The following CLIP1 variants were observed in gnomAD, a reference collection of about 807,000 sequenced individuals.
CLIP1 encodes CAP-Gly domain-containing linker protein 1.
Under a neutral mutation model 161.6 loss-of-function variants are expected in CLIP1, and 66 were observed. The ratio of observed to expected loss-of-function variants is 0.41; its 90% CI spans 0.33 to 0.50. The LOEUF is 0.50. Ranked by LOEUF, CLIP1 falls within the 20% of genes least tolerant of loss-of-function variation. CLIP1 has a pLI of 0.27. For missense variants in CLIP1, 1,376 were observed against 1,702.0 expected (o/e 0.81, Z 3.37); for synonymous variants, 598 against 626.2 (o/e 0.96, Z 0.67).
At position 122,272,990 on chromosome 12, in the gene CLIP1, T is replaced by G. The variant is rs1457138622; in HGVS notation, c.4202A>C (p.Glu1401Ala). 6.2e-7 allele frequency: 1 copy of G among 1,614,202 alleles called. No individual in the cohort carries two copies. Among genetic ancestry groups the G allele is most frequent in the East Asian group, 2.2e-5 (1 of 44,884 alleles). ...ATGGTGTGTGGAATGGGGAGGGTCC[T>G]CTGACATCTGTGCCTGGGTAGGACA... is the stretch of plus-strand genomic sequence containing the variant. ...EDCPTQAQMSEDPPHSTHHGS... is the reference protein window; with the variant it reads ...EDCPTQAQMSADPPHSTHHGS... The change falls in exon 26 of 26, where the codon GAG (glutamate) becomes GCG (alanine). Residue 1401 changes from glutamate to alanine, a missense_variant. By Grantham distance (107) the Glu-to-Ala change is moderately radical. Transcript: ENST00000620786.
In CLIP1 at chr12:122,288,546, GA is replaced by G; in HGVS notation, c.3595-6del. ...CACAGATCTTTCTTCTTCCAGCTAG[GA>G]AAAAAACACAAAAAACTTCAGTTCA... On this transcript the variant is annotated splice_polypyrimidine_tract_variant and splice_region_variant and intron_variant, in intron 20 of 25. Coordinates refer to ENST00000620786, the MANE Select transcript of CLIP1 (RefSeq NM_001247997.2). The G allele has an allele frequency of 1.2e-6, 2 of 1,603,208 alleles. No individual in the cohort carries two copies. Among genetic ancestry groups the G allele is most frequent in the South Asian group, 1.1e-5 (1 of 90,622 alleles).
chr12:122,387,579 TATATATATA>T (rs1184664635), intron 1 of CLIP1, among the ~76,000 whole-genome samples: 9 of 4,314 alleles, frequency 2.1e-3, no homozygotes, highest in Admixed American at 4.9e-3. Flanking sequence ...TATATATATA[TATATATATA>T]TATTTTTTTT....
intron 20 of CLIP1, among the ~76,000 whole-genome samples, chr12:122,306,597 G>C (rs2136472009): frequency 6.6e-6 from 1 of 152,216 alleles, no homozygotes; most frequent in African/African-American, 2.4e-5. Flanking sequence ...CCACAAAGGG[G>C]CAGCAGCTTG....
At position 122,278,186 on chromosome 12, in the gene CLIP1, C is replaced by G. The variant is rs1318019980; in HGVS notation, c.3934G>C (p.Ala1312Pro). ...TCCTGGGCTCTTTCATCCTCGTCTG[C>G]CTGAGTGTCTGTATTACCTTATATT... The part of the protein sequence containing the change: ...SSSSGNTDTQ[A>P]DEDERAQESQ... The change falls in exon 24 of 26, where the codon GCA (alanine) becomes CCA (proline). Residue 1312 changes from alanine (A) to proline (P), a missense_variant. Physicochemically the swap from Ala to Pro is conservative, Grantham distance 27. Around this residue, in one of 6 missense-constraint regions of CLIP1, gnomAD observed 948 missense variants for 1,134.8 expected, o/e 0.84. Coordinates refer to ENST00000620786, the MANE Select transcript of CLIP1 (RefSeq NM_001247997.2). 3 of 1,598,048 alleles carry G rather than the reference C, an allele frequency of 1.9e-6. No homozygotes were observed. Among genetic ancestry groups the G allele is most frequent in the Admixed American group, 1.7e-5 (1 of 59,600 alleles).
At chr12:122,289,661 T>C (rs552640197) in intron 20 of CLIP1, among the ~76,000 whole-genome samples, 4 of 152,250 alleles carry the variant, frequency 2.6e-5, no homozygotes, top group Middle Eastern at 3.4e-3. Context: ...TACAAAAGAA[T>C]TTCCAGTGGT....
chr12:122,326,552 G>A (rs1350486957), intron 17 of CLIP1, among the ~76,000 whole-genome samples: 1 of 152,164 alleles, frequency 6.6e-6, no homozygotes, highest in African/African-American at 2.4e-5. Context: ...AGTGGCACGT[G>A]CTTTTAGTCT....
rs376709699 is a variant in CLIP1 at position 122,352,245 on chromosome 12, C to CG, written c.1368+480dup. 2.8e-3 allele frequency among the ~76,000 whole-genome samples: 419 copies of CG among 151,768 alleles called. 1 individual carries two copies. The highest frequency in any genetic ancestry group is 8.6e-3 in the African/African-American group (355 of 41,388). On this transcript the variant is annotated intron_variant, in intron 8 of 25. Coordinates refer to ENST00000620786, the MANE Select transcript of CLIP1 (RefSeq NM_001247997.2). ...GCTAATTTTGTATTTTTAGTAGAGA[C>CG]GGGGTCTCACCACGTTAGCCAGGCT... is the stretch of plus-strand genomic sequence containing the variant.
chr12:122,398,668 G>A (rs914513515), intron 1 of CLIP1, among the ~76,000 whole-genome samples: 35 of 151,716 alleles, frequency 2.3e-4, no homozygotes, highest in African/African-American at 7.0e-4. Flanking sequence ...AGGAGTCTGA[G>A]AGCTGCCTGG....
chr12:122,273,104 C>T lies in CLIP1; in HGVS notation c.4092-4G>A, dbSNP rs377011023. ...GGACTGTTTCTCCTGATCATCACTA[C>T]AAATGTTAATGTGTGAAATCAGAAA... On this transcript the variant is annotated splice_polypyrimidine_tract_variant and splice_region_variant and intron_variant, in intron 25 of 25. Transcript: ENST00000620786. 1.1e-5 allele frequency: 18 copies of T among 1,611,070 alleles called. No homozygotes were observed. In the African/African-American group the frequency reaches 2.4e-4, roughly 22 times the overall value.
At chr12:122,287,098 C>A (rs1221212885) in intron 21 of CLIP1, among the ~76,000 whole-genome samples, 1 of 151,998 alleles carries the variant, frequency 6.6e-6, no homozygotes, top group African/African-American at 2.4e-5. Flanking sequence ...CAATTGAGCC[C>A]AGGAGATTGA....
intron 20 of CLIP1, among the ~76,000 whole-genome samples, chr12:122,309,215 C>A (rs999531373): frequency 6.6e-6 from 1 of 152,058 alleles, no homozygotes; most frequent in African/African-American, 2.4e-5. Flanking sequence ...ATAGTTCATG[C>A]CAGTTGTAAC....
Position 122,316,620 on chromosome 12 carries a change from G to A in CLIP1, c.3473+129C>T, listed in dbSNP as rs1039390522. On this transcript the variant is annotated intron_variant, in intron 19 of 25. Transcript: ENST00000620786. ...CGGTGGTTACTGATGTTGCTTCTGGGGTATGCAATAGAGTCTGCATACGTT... is the reference window on the plus strand; with the variant it reads ...CGGTGGTTACTGATGTTGCTTCTGGAGTATGCAATAGAGTCTGCATACGTT... 8 of 569,192 alleles carry A rather than the reference G, an allele frequency of 1.4e-5. No homozygotes were observed. In the East Asian group the frequency reaches 2.5e-4, roughly 18 times the overall value. The allele number at this position is 569,192 out of a possible 1,614,324, so 35.3% of individuals were successfully genotyped here.
intron 9 of CLIP1, among the ~76,000 whole-genome samples, chr12:122,349,777 G>C (rs941580471): frequency 6.6e-6 from 1 of 152,226 alleles, no homozygotes; most frequent in Admixed American, 6.5e-5. Flanking sequence ...ACTGACACCG[G>C]GGGCAGCGGG....
intron 1 of CLIP1, among the ~76,000 whole-genome samples, chr12:122,410,302 C>T (rs901446177): frequency 6.6e-6 from 1 of 152,110 alleles, no homozygotes; most frequent in Non-Finnish European, 1.5e-5. Context: ...TAATAAATAT[C>T]TGCTAAATAT....
At chr12:122,283,799 C>T (rs1592969879) in intron 21 of CLIP1, among the ~76,000 whole-genome samples, 2 of 152,242 alleles carry the variant, frequency 1.3e-5, no homozygotes, top group Middle Eastern at 6.8e-3. Flanking sequence ...GGAGTAAGTT[C>T]TGCACTTGAA....
chr12:122,396,470 C>T (rs1955914471), intron 1 of CLIP1: 1 of 152,100 alleles, frequency 6.6e-6, no homozygotes, highest in Non-Finnish European at 1.5e-5. Context: ...TTGAAGGGAA[C>T]TGTAACAGGG....
intron 17 of CLIP1, 72 bp from the exon 18 acceptor site, chr12:122,319,420 G>A: frequency 2.7e-6 from 3 of 1,129,268 alleles, no homozygotes; most frequent in South Asian, 2.5e-5. Flanking sequence ...ATCGGGCTGT[G>A]CTGTTCAGGC....
chr12:122,354,410 G>GT, intron 7 of CLIP1, 43 bp downstream of exon 7: 1 of 1,507,092 alleles, frequency 6.6e-7, no homozygotes, highest in Middle Eastern at 1.9e-4. Context: ...CAAAAAAAAA[G>GT]GGGGAAAGGC....
At chr12:122,343,102 A>C (rs1952580340) in intron 10 of CLIP1, 1 of 151,456 alleles carries the variant, frequency 6.6e-6, no homozygotes, top group Non-Finnish European at 1.5e-5. Flanking sequence ...GTAGAATGAA[A>C]GCCTCAATTG....
Sources: gnomAD v4.1 joint callset for allele counts (sites outside exome capture counted in the v4.1 genomes callset) on GRCh38, gnomAD v4.1.1 for gene constraint, gnomAD v4.1.1 regional missense constraint, MANE v1.5 for transcripts, NCBI Gene and HGNC (gene_info 2026-07-23, HGNC 2026-07-21) for gene names.